STAU2: variants seen among roughly 807,000 people sequenced by gnomAD.
The protein encoded by STAU2 is double-stranded RNA-binding protein Staufen homolog 2.
Under a neutral mutation model 65.9 loss-of-function variants are expected in STAU2, and 20 were observed. That is an observed-to-expected ratio of 0.30 (90% CI 0.21 to 0.44). The LOEUF is 0.44. STAU2 is among the 20% of genes least tolerant of loss of function. STAU2 has a pLI of 1.00. For missense variants in STAU2, 558 were observed against 683.9 expected (o/e 0.82, Z 2.05); for synonymous variants, 232 against 233.9 (o/e 0.99, Z 0.07).
At chr8:73,592,633 C>A (rs539632579) in intron 11 of STAU2, among the ~76,000 whole-genome samples, 2 of 152,176 alleles carry the variant, frequency 1.3e-5, no homozygotes, top group Admixed American at 1.3e-4. Context: ...CCAAGGCAGG[C>A]GGATCATTTG....
chr8:73,688,489 C>CGT (rs34713766), intron 5 of STAU2, among the ~76,000 whole-genome samples, 165 bp downstream of exon 5: 4,028 of 146,880 alleles, frequency 0.027, 96 homozygotes, highest in African/African-American at 0.047. Context: ...TTTATGCTAC[C>CGT]GTGTGTGTGT....
At chr8:73,438,461 A>T (rs192156758) in intron 13 of STAU2, among the ~76,000 whole-genome samples, 193 of 152,294 alleles carry the variant, frequency 1.3e-3, no homozygotes, top group African/African-American at 4.5e-3. Flanking sequence ...AGCCACAGGG[A>T]GCTGGGGCGC....
At chr8:73,730,807 G>A (rs1453736520) in intron 3 of STAU2, among the ~76,000 whole-genome samples, 1 of 151,468 alleles carries the variant, frequency 6.6e-6, no homozygotes, top group African/African-American at 2.4e-5. Context: ...ATGTCTGTTA[G>A]GTCTAGTTGA....
chr8:73,593,939 CT>C (rs1343932803), intron 11 of STAU2, among the ~76,000 whole-genome samples: 1 of 151,880 alleles, frequency 6.6e-6, no homozygotes, highest in African/African-American at 2.4e-5. Context: ...AGAACCCTGA[CT>C]TATACAGTGG....
intron 4 of STAU2, among the ~76,000 whole-genome samples, chr8:73,702,623 G>C (rs1039160516): frequency 4.6e-5 from 7 of 151,584 alleles, no homozygotes; most frequent in African/African-American, 1.7e-4. Flanking sequence ...TTGATAAAAG[G>C]GTTAATTCAT....
chr8:73,737,565 C>T (rs1586385682), intron 3 of STAU2, among the ~76,000 whole-genome samples: 3 of 141,598 alleles, frequency 2.1e-5, no homozygotes, highest in African/African-American at 5.2e-5. Flanking sequence ...TGTTTCTTTC[C>T]TTTTTTTTTT....
intron 13 of STAU2, among the ~76,000 whole-genome samples, chr8:73,524,127 G>A (rs1024173213): frequency 1.3e-5 from 2 of 152,172 alleles, no homozygotes; most frequent in African/African-American, 2.4e-5. Context: ...GCAGTCATCT[G>A]GGTTAAAAAT....
At chr8:73,571,999 C>A (rs1188765578) in intron 12 of STAU2, among the ~76,000 whole-genome samples, 1 of 152,096 alleles carries the variant, frequency 6.6e-6, no homozygotes, top group Admixed American at 6.5e-5. Flanking sequence ...TGATAGACCG[C>A]TAGCAAGACT....
chr8:73,677,999 T>C (rs147656600), intron 5 of STAU2, among the ~76,000 whole-genome samples: 1 of 152,304 alleles, frequency 6.6e-6, no homozygotes, highest in African/African-American at 2.4e-5. Flanking sequence ...TTACATTATA[T>C]GCCTTTGCTT....
At chr8:73,507,043 A>G (rs370870699) in intron 13 of STAU2, among the ~76,000 whole-genome samples, 58 of 152,240 alleles carry the variant, frequency 3.8e-4, no homozygotes, top group African/African-American at 1.3e-3. Context: ...TACTTCCCTC[A>G]CTGAAGCCTT....
intron 13 of STAU2, among the ~76,000 whole-genome samples, chr8:73,542,887 T>G (rs192531390): frequency 6.6e-6 from 1 of 152,302 alleles, no homozygotes; most frequent in Admixed American, 6.5e-5. Flanking sequence ...CTTATAACAT[T>G]GTATGTACAC....
chr8:73,590,045 G>C (rs931965680), intron 11 of STAU2, among the ~76,000 whole-genome samples: 4 of 150,272 alleles, frequency 2.7e-5, no homozygotes, highest in Non-Finnish European at 5.9e-5. Flanking sequence ...AGGAGGAAGA[G>C]AAGAAAGAAT....
chr8:73,533,798 T>C (rs1197210710), intron 13 of STAU2, among the ~76,000 whole-genome samples: 1 of 152,152 alleles, frequency 6.6e-6, no homozygotes, highest in East Asian at 1.9e-4. Flanking sequence ...ATTTTTTTCA[T>C]GCTGTTTTGA....
At chr8:73,490,856 C>T (rs917536341) in intron 13 of STAU2, among the ~76,000 whole-genome samples, 3 of 147,696 alleles carry the variant, frequency 2.0e-5, no homozygotes, top group South Asian at 2.2e-4. Flanking sequence ...GAGATTTAAA[C>T]GTACCTTAAA....
At chr8:73,439,218 G>A (rs541807809) in intron 13 of STAU2, 234 of 355,454 alleles carry the variant, frequency 6.6e-4, no homozygotes, top group Non-Finnish European at 1.1e-3. Context: ...AGCTGGCACC[G>A]TGAGCTGGCA....
At chr8:73,599,227 G>A (rs1811441471) in intron 10 of STAU2, among the ~76,000 whole-genome samples, 3 of 152,074 alleles carry the variant, frequency 2.0e-5, no homozygotes, top group African/African-American at 4.8e-5. Context: ...TATTTGTCTG[G>A]ATATCTAGAC....
At position 73,435,277 on chromosome 8, in the gene STAU2, G is replaced by A. The variant is rs115439981; in HGVS notation, c.1531-12575C>T. 2.6e-3 allele frequency among the ~76,000 whole-genome samples: 388 copies of A among 151,936 alleles called. 10 individuals are homozygous for A. Among genetic ancestry groups the A allele is most frequent in the African/African-American group, 8.8e-3 (362 of 41,250 alleles). Reference sequence around the variant, plus strand: ...TGTGAGTCACCTTTGATATGTTTGCGTCTTGTCTCCCAGGTAGCTGGTAAA... The same window carrying A: ...TGTGAGTCACCTTTGATATGTTTGCATCTTGTCTCCCAGGTAGCTGGTAAA... On this transcript the variant is annotated intron_variant, in intron 13 of 14. Coordinates refer to ENST00000524300, the MANE Select transcript of STAU2 (RefSeq NM_001164380.2).
chr8:73,544,658 C>G (rs149111534), intron 13 of STAU2, among the ~76,000 whole-genome samples: 1 of 152,160 alleles, frequency 6.6e-6, no homozygotes, highest in Non-Finnish European at 1.5e-5. Context: ...TCCCTAATTC[C>G]TTCAGCCAGA....
intron 11 of STAU2, among the ~76,000 whole-genome samples, chr8:73,591,314 C>G (rs1480977325): frequency 2.6e-5 from 4 of 151,576 alleles, no homozygotes; most frequent in African/African-American, 9.7e-5. Context: ...AAAAAGTAAA[C>G]AGAGTAAGTG....
Sources: gnomAD v4.1 joint callset for allele counts (sites outside exome capture counted in the v4.1 genomes callset) on GRCh38, gnomAD v4.1.1 for gene constraint, MANE v1.5 for transcripts, NCBI Gene and HGNC (gene_info 2026-07-23, HGNC 2026-07-21) for gene names.